HDAC9: variants seen among roughly 807,000 people sequenced by gnomAD.
HDAC9 encodes MEF-2 interacting transcription repressor (MITR) protein.
In HDAC9, 41 loss-of-function variants were observed where a neutral mutation model predicts 139.4. The observed-to-expected ratio is 0.29, with a 90% CI of 0.23 to 0.38. HDAC9 has a LOEUF of 0.38. Ranked by LOEUF, HDAC9 falls within the 10% of genes least tolerant of loss-of-function variation. The probability of loss-of-function intolerance (pLI) is 1.00; values close to 1 mark genes in which losing one functional copy is unlikely to be tolerated. For missense variants in HDAC9, 1,147 were observed against 1,297.0 expected, an observed-to-expected ratio of 0.88 and a Z score of 1.78; for synonymous variants, 517 against 476.2, an observed-to-expected ratio of 1.09 and a Z score of -1.12.
chr7:18,915,034 A>G (rs544173776), intron 22 of HDAC9, among the ~76,000 whole-genome samples: 2 of 152,220 alleles, frequency 1.3e-5, no homozygotes, highest in Admixed American at 6.5e-5. Flanking sequence ...AATCTTGTGT[A>G]TCTTGTTCAA....
chr7:18,780,059 A>G (rs1286103595), intron 16 of HDAC9, among the ~76,000 whole-genome samples: 2 of 152,042 alleles, frequency 1.3e-5, no homozygotes, highest in Non-Finnish European at 2.9e-5. Context: ...ATTCCAATTC[A>G]GCAGGACCAA....
At chr7:18,813,371 C>T (rs983520382) in intron 17 of HDAC9, among the ~76,000 whole-genome samples, 1 of 152,050 alleles carries the variant, frequency 6.6e-6, no homozygotes, top group African/African-American at 2.4e-5. Context: ...GTTACTTTGG[C>T]AGACTGAAGG....
chr7:18,981,828 G>C (rs985946410), intron 25 of HDAC9, among the ~76,000 whole-genome samples: 1 of 152,068 alleles, frequency 6.6e-6, no homozygotes, highest in African/African-American at 2.4e-5. Context: ...CACGTTCCAA[G>C]GATTAGGAAG....
chr7:18,496,222 C>T, intron 1 of HDAC9, 40 bp from the exon 2 acceptor site: 1 of 1,599,734 alleles, frequency 6.3e-7, no homozygotes, highest in Non-Finnish European at 8.6e-7. Flanking sequence ...CTGGAATATG[C>T]TGCAGACAAT....
intron 2 of HDAC9, among the ~76,000 whole-genome samples, chr7:18,250,448 G>T (rs1024612337): frequency 2.0e-5 from 3 of 152,168 alleles, no homozygotes; most frequent in Non-Finnish European, 4.4e-5. Flanking sequence ...GTTGTTGGTT[G>T]TTAACATCTG....
chr7:18,913,159 T>G (rs1228328158), intron 22 of HDAC9, among the ~76,000 whole-genome samples: 1 of 152,120 alleles, frequency 6.6e-6, no homozygotes, highest in East Asian at 1.9e-4. Context: ...TTTCAACACG[T>G]GGCTAATTTC....
At chr7:18,226,016 C>A (rs1793029237) in intron 2 of HDAC9, among the ~76,000 whole-genome samples, 1 of 152,062 alleles carries the variant, frequency 6.6e-6, no homozygotes, top group African/African-American at 2.4e-5. Flanking sequence ...TAATATAATT[C>A]ATTAACCCAT....
intron 17 of HDAC9, among the ~76,000 whole-genome samples, chr7:18,797,371 A>G (rs921987457): frequency 3.9e-5 from 6 of 152,162 alleles, no homozygotes; most frequent in Admixed American, 3.3e-4. Context: ...ATACAAAAAG[A>G]CAAGAAGTTA....
intron 1 of HDAC9, among the ~76,000 whole-genome samples, chr7:18,408,195 G>C (rs1788198997): frequency 6.6e-6 from 1 of 152,118 alleles, no homozygotes; most frequent in Non-Finnish European, 1.5e-5. Context: ...AAATATTGAA[G>C]AACCAACCTA....
intron 14 of HDAC9, among the ~76,000 whole-genome samples, chr7:18,753,260 C>T (rs1161137658): frequency 1.3e-5 from 2 of 151,960 alleles, no homozygotes; most frequent in African/African-American, 4.8e-5. Context: ...TTTGAAGACT[C>T]TTATTGATTG....
chr7:18,290,688 C>T, intron 1 of HDAC9, among the ~76,000 whole-genome samples: 1 of 152,134 alleles, frequency 6.6e-6, no homozygotes, highest in African/African-American at 2.4e-5. Flanking sequence ...GCAACAACAA[C>T]AACAAAAATT....
chr7:18,136,145 G>C (rs1404522514), intron 1 of HDAC9, among the ~76,000 whole-genome samples: 1 of 149,488 alleles, frequency 6.7e-6, no homozygotes, highest in Non-Finnish European at 1.5e-5. Context: ...CTTTTTGATG[G>C]GGTTGTTTGT....
chr7:18,347,904 G>C (rs1331551845), intron 1 of HDAC9, among the ~76,000 whole-genome samples: 2 of 152,100 alleles, frequency 1.3e-5, no homozygotes, highest in Non-Finnish European at 1.5e-5. Context: ...CTGTATCTCA[G>C]TGCCCTCTGT....
At chr7:18,919,531 T>C (rs1426263778) in intron 22 of HDAC9, among the ~76,000 whole-genome samples, 2 of 152,000 alleles carry the variant, frequency 1.3e-5, no homozygotes, top group Non-Finnish European at 2.9e-5. Context: ...GTCTCCCAAA[T>C]CTACAGCCAC....
intron 6 of HDAC9, among the ~76,000 whole-genome samples, chr7:18,602,407 TGTTTTGTTGA>T (rs1324779166): frequency 1.3e-5 from 2 of 152,006 alleles, no homozygotes. Context: ...ACCAGTTTTT[TGTTTTGTTGA>T]GTTTTCTCTC....
chr7:18,285,603 C>T (rs1328636654), upstream of HDAC9, among the ~76,000 whole-genome samples: 2 of 151,994 alleles, frequency 1.3e-5, no homozygotes, highest in Admixed American at 1.3e-4. Context: ...GTGTTTTTCA[C>T]ATCATGTGCT....
At chr7:18,332,425 A>G (rs995526338) in intron 1 of HDAC9, among the ~76,000 whole-genome samples, 2 of 151,486 alleles carry the variant, frequency 1.3e-5, no homozygotes, top group Non-Finnish European at 3.0e-5. Context: ...TTTACTTTAA[A>G]AAATTCTCAT....
At chr7:18,813,421 C>A (rs140063239) in intron 17 of HDAC9, among the ~76,000 whole-genome samples, 1 of 151,380 alleles carries the variant, frequency 6.6e-6, no homozygotes, top group African/African-American at 2.4e-5. Context: ...GTGTGGATCT[C>A]CAAAACAGAT....
chr7:18,730,092 A>G (rs929187329), intron 13 of HDAC9, among the ~76,000 whole-genome samples: 2 of 152,190 alleles, frequency 1.3e-5, no homozygotes, highest in Non-Finnish European at 2.9e-5. Flanking sequence ...AAAACGCACA[A>G]TATTTTAAAA....
Sources: gnomAD v4.1 joint callset for allele counts (sites outside exome capture counted in the v4.1 genomes callset) on GRCh38, gnomAD v4.1.1 for gene constraint, MANE v1.5 for transcripts, NCBI Gene and HGNC (gene_info 2026-07-23, HGNC 2026-07-21) for gene names.